The following DDX17 variants were observed in gnomAD, a reference collection of about 807,000 sequenced individuals.
The protein encoded by DDX17 is DEAD-box helicase 17, also known as probable ATP-dependent RNA helicase DDX17.
In DDX17, 10 loss-of-function variants were observed where a neutral mutation model predicts 80.8. The ratio of observed to expected loss-of-function variants is 0.12; its 90% CI spans 0.08 to 0.21. The LOEUF is 0.21. Among genes scored for constraint, DDX17 ranks in the 10% least tolerant of loss-of-function variants. The pLI is 1.00. For missense variants in DDX17, 586 were observed against 957.4 expected (o/e 0.61, Z 5.12); for synonymous variants, 339 against 336.2 (o/e 1.01, Z -0.09).
At position 38,497,952 on chromosome 22, in the gene DDX17, G is replaced by A. The variant is rs1362730857; in HGVS notation, c.738+133C>T. On this transcript the variant is annotated intron_variant, in intron 5 of 12. Transcript: ENST00000403230. Reference sequence around the variant, plus strand: ...GGGTAAGTCATTTAATTCCAAGTAAGATGAGAATGAAACCATTTCCACCTA... The same window carrying A: ...GGGTAAGTCATTTAATTCCAAGTAAAATGAGAATGAAACCATTTCCACCTA... 3 of 764,292 alleles carry A rather than the reference G, an allele frequency of 3.9e-6. No individual in the cohort carries two copies. The East Asian group carries it at 7.8e-5, about 20-fold the overall frequency. 47.3% of individuals were successfully genotyped at this position (764,292 alleles called of 1,614,324 possible).
chr22:38,497,835 C>T (rs553750585), intron 5 of DDX17, among the ~76,000 whole-genome samples: 1 of 152,172 alleles, frequency 6.6e-6, no homozygotes, highest in South Asian at 2.1e-4. Flanking sequence ...TGATTTACTG[C>T]ACAGTAAATG....
At chr22:38,496,923 T>C (rs973803739) in intron 5 of DDX17, among the ~76,000 whole-genome samples, 5 of 152,236 alleles carry the variant, frequency 3.3e-5, no homozygotes, top group African/African-American at 7.2e-5. Context: ...TTATAAGTAC[T>C]GCATTATTTC....
In DDX17 at chr22:38,505,940, C is replaced by G; in HGVS notation, c.287+11G>C. 1 of 1,562,952 alleles carries G rather than the reference C, an allele frequency of 6.4e-7. No individual in the cohort carries two copies. The highest frequency in any genetic ancestry group is 8.7e-7 in the Non-Finnish European group (1 of 1,154,080). The stretch of plus-strand genomic sequence containing the variant: ...CCACGCCAGGCCTCTCCTCTCCTCC[C>G]CCACCCTTACCCTCCACGGTCACGA... On this transcript the variant is annotated intron_variant, in intron 1 of 12. Coordinates refer to ENST00000403230, the MANE Select transcript of DDX17 (RefSeq NM_006386.5).
intron 8 of DDX17, 100 bp from the exon 9 acceptor site, chr22:38,494,231 A>G (rs2089739567): frequency 1.2e-6 from 1 of 818,370 alleles, no homozygotes; most frequent in Admixed American, 2.6e-5. Context: ...CTTTCTTTGC[A>G]CATTACGCTT....
Position 38,506,164 on chromosome 22 carries a change from G to A in DDX17, c.74C>T (p.Ala25Val), listed in dbSNP as rs1196399485. The A allele has an allele frequency of 6.3e-7, 1 of 1,590,982 alleles. No individual in the cohort carries two copies. The highest frequency in any genetic ancestry group is 1.3e-5 in the African/African-American group (1 of 74,378). Residue 25 changes from alanine (A) to valine (V), a missense_variant, in exon 1 of 13, where the codon GCG becomes GTG. By Grantham distance (64) the Ala-to-Val change is moderately conservative. Transcript: ENST00000403230. ...CGACGCGCTGTCTCCCGTCGCAGAC[G>A]CCACCGTCGCCGCCTCTCTCGTCGG...
Position 38,500,015 on chromosome 22 carries a change from AT to A in DDX17, c.439-517del, listed in dbSNP as rs201493429. On this transcript the variant is annotated intron_variant, in intron 2 of 12. Transcript: ENST00000403230. ...CTCCGTCTCTACTGAAAAAAAAAAA[AT>A]AAATAATAAATGAACCAGGCGTGGT... 1.5e-3 allele frequency among the ~76,000 whole-genome samples: 232 copies of A among 151,850 alleles called. 1 individual carries two copies. Among genetic ancestry groups the A allele is most frequent in the African/African-American group, 5.4e-3 (224 of 41,392 alleles).
rs773847608 is a variant in DDX17 at position 38,486,173 on chromosome 22, G to A, written c.1952C>T (p.Thr651Ile). Residue 651 changes from threonine to isoleucine, a missense_variant, in exon 13 of 13, where the codon ACA (threonine) becomes ATA (isoleucine). By Grantham distance (89) the Thr-to-Ile change is moderately conservative. Coordinates refer to ENST00000403230, the MANE Select transcript of DDX17 (RefSeq NM_006386.5). Reference sequence around the variant, plus strand: ...AGTGCCAGCACCATATTCTTGAGCTGTATAGCTACTGGTGCCATAAGCAGC... The same window carrying A: ...AGTGCCAGCACCATATTCTTGAGCTATATAGCTACTGGTGCCATAAGCAGC... The A allele has an allele frequency of 6.2e-7, 1 of 1,614,192 alleles. No individual in the cohort carries two copies. Among genetic ancestry groups the A allele is most frequent in the Non-Finnish European group, 8.5e-7 (1 of 1,180,010 alleles).
At chr22:38,502,784 TCA>T (rs1169703076) in intron 1 of DDX17, among the ~76,000 whole-genome samples, 1 of 152,228 alleles carries the variant, frequency 6.6e-6, no homozygotes, top group African/African-American at 2.4e-5. Flanking sequence ...TAGCATTTTC[TCA>T]GTTTCTTTAC....
chr22:38,503,162 T>A (rs1285613007), intron 1 of DDX17, among the ~76,000 whole-genome samples: 1 of 152,154 alleles, frequency 6.6e-6, no homozygotes, highest in Non-Finnish European at 1.5e-5. Flanking sequence ...ATATTTAATA[T>A]GCCCCTCAGC....
intron 11 of DDX17, chr22:38,490,372 G>T: frequency 7.8e-7 from 1 of 1,289,386 alleles, no homozygotes; most frequent in Non-Finnish European, 1.0e-6. Flanking sequence ...ATCTAGAGCT[G>T]CTTCCGGCCA....
At chr22:38,499,613 A>G in intron 2 of DDX17, 114 bp from the exon 3 acceptor site, 1 of 780,186 alleles carries the variant, frequency 1.3e-6, no homozygotes, top group Non-Finnish European at 2.2e-6. Flanking sequence ...CAAATATTTA[A>G]TAGTTTACAT....
At chr22:38,490,469 CTTTTAG>C (rs779197306) in intron 11 of DDX17, 74 of 1,286,930 alleles carry the variant, frequency 5.8e-5, no homozygotes, top group Non-Finnish European at 4.3e-5. Flanking sequence ...AAATTCAATA[CTTTTAG>C]TTTAACAGTG....
intron 9 of DDX17, 55 bp from the exon 10 acceptor site, chr22:38,493,826 G>T: frequency 1.9e-6 from 3 of 1,545,840 alleles, no homozygotes; most frequent in South Asian, 1.1e-5. Context: ...GGAGAAAATC[G>T]AACTTTAAAG....
At chr22:38,492,146 T>A (rs1167177286) in intron 10 of DDX17, 31 bp from the exon 11 acceptor site, 1 of 1,578,230 alleles carries the variant, frequency 6.3e-7, no homozygotes. Context: ...CATCATCAAA[T>A]AAGCATTCCT....
chr22:38,493,737 G>T lies in DDX17; in HGVS notation c.1360C>A (p.Gln454Lys). ...TTAAGTACCCAATCTCTTTCTGGTT[G>T]ACTCTTGTCTCCATGGATACACATA... The change falls in exon 10 of 13, where the codon CAA becomes AAA. Residue 454 changes from glutamine to lysine, a missense_variant. Around this residue, in one of 4 missense-constraint regions of DDX17, gnomAD observed 141 missense variants for 379.3 expected, o/e 0.37. Transcript: ENST00000403230. 1 of 1,613,590 alleles carries T rather than the reference G, an allele frequency of 6.2e-7. No individual in the cohort carries two copies. The highest frequency in any genetic ancestry group is 1.1e-5 in the South Asian group (1 of 91,046).
At chr22:38,492,022 T>C (rs202184195) in intron 11 of DDX17, 34 bp downstream of exon 11, 1 of 1,495,610 alleles carries the variant, frequency 6.7e-7, no homozygotes, top group East Asian at 2.3e-5. Context: ...AAAAGATACA[T>C]ATACCATTGA....
chr22:38,487,831 A>G (rs1385832891), intron 12 of DDX17, 48 bp downstream of exon 12: 2 of 1,607,574 alleles, frequency 1.2e-6, no homozygotes, highest in Admixed American at 1.7e-5. Context: ...CAGAAGGCGT[A>G]AAGAGATACC....
chr22:38,505,648 G>C (rs1013348495), intron 1 of DDX17: 24 of 321,950 alleles, frequency 7.5e-5, no homozygotes, highest in Middle Eastern at 1.6e-3. Context: ...GCCAAAGCCC[G>C]GGCCTGGGCT....
At chr22:38,487,573 C>T (rs147507876) in intron 12 of DDX17, among the ~76,000 whole-genome samples, 25 of 152,242 alleles carry the variant, frequency 1.6e-4, no homozygotes, top group Admixed American at 3.3e-4. Context: ...GAGCTGAGAT[C>T]GCGCCATTGC....
Sources: allele counts gnomAD v4.1 joint callset (sites outside exome capture counted in the v4.1 genomes callset), GRCh38; gene constraint gnomAD v4.1.1; regional missense constraint gnomAD v4.1.1; transcripts MANE v1.5; gene names NCBI Gene and HGNC (gene_info 2026-07-23, HGNC 2026-07-21).